Variants in VTA1 observed in about 807,000 individuals in gnomAD.
VTA1 encodes vesicle trafficking 1, also known as vacuolar protein sorting-associated protein VTA1 homolog.
A neutral mutation model predicts 36.9 loss-of-function variants in VTA1; 24 were observed. That is an observed-to-expected ratio of 0.65 (90% CI 0.47 to 0.91). The LOEUF is 0.91. Among genes scored for constraint, VTA1 ranks in the 40% least tolerant of loss-of-function variants. VTA1 has a pLI of 0.00. For synonymous variants in VTA1, 142 were observed against 130.2 expected (o/e 1.09, Z -0.62); for missense variants, 393 against 377.2 (o/e 1.04, Z -0.35).
intron 4 of VTA1, among the ~76,000 whole-genome samples, chr6:142,174,897 A>C (rs540753486): frequency 1.2e-4 from 19 of 152,250 alleles, no homozygotes; most frequent in African/African-American, 4.1e-4. Flanking sequence ...CATCATGAGT[A>C]AGAGCATCCT....
intron 1 of VTA1, among the ~76,000 whole-genome samples, chr6:142,165,748 A>G (rs1774901137): frequency 6.6e-6 from 1 of 152,222 alleles, no homozygotes; most frequent in Non-Finnish European, 1.5e-5. Flanking sequence ...CTTTTTAAAG[A>G]GAAGGTATAT....
At chr6:142,191,049 A>G (rs1374155245) in intron 5 of VTA1, among the ~76,000 whole-genome samples, 2 of 152,106 alleles carry the variant, frequency 1.3e-5, no homozygotes, top group African/African-American at 2.4e-5. Flanking sequence ...TTATTTTTTT[A>G]TTATACTGAT....
At chr6:142,171,690 A>G (rs1269422604) in intron 4 of VTA1, among the ~76,000 whole-genome samples, 2 of 152,184 alleles carry the variant, frequency 1.3e-5, no homozygotes, top group African/African-American at 4.8e-5. Flanking sequence ...GAGAGGGAAT[A>G]TATTAATCTA....
intron 4 of VTA1, among the ~76,000 whole-genome samples, chr6:142,181,114 T>C (rs1468525028): frequency 1.3e-4 from 15 of 119,324 alleles, no homozygotes; most frequent in Admixed American, 6.9e-4. Context: ...TATATATATA[T>C]ATACACACAC....
chr6:142,198,107 ATATATAT>A (rs1775594251), intron 5 of VTA1, among the ~76,000 whole-genome samples: 1 of 126,186 alleles, frequency 7.9e-6, no homozygotes, highest in Non-Finnish European at 1.6e-5. Context: ...AAAAAAAAAT[ATATATAT>A]ATATATGTGT....
chr6:142,170,537 CAA>C (rs1269965197), intron 4 of VTA1, 116 bp downstream of exon 4: 8 of 656,338 alleles, frequency 1.2e-5, no homozygotes, highest in South Asian at 1.2e-4. Context: ...TTAATGCAAG[CAA>C]AAAATGTAAT....
chr6:142,210,693 ATTATC>A (rs546432197), intron 7 of VTA1, among the ~76,000 whole-genome samples: 41 of 152,234 alleles, frequency 2.7e-4, no homozygotes, highest in Non-Finnish European at 5.7e-4. Context: ...ATCACATTGC[ATTATC>A]ATTTTACCCT....
chr6:142,158,222 G>T (rs1778699954), intron 1 of VTA1, among the ~76,000 whole-genome samples: 2 of 152,110 alleles, frequency 1.3e-5, no homozygotes, highest in South Asian at 4.1e-4. Context: ...ATTACATGTT[G>T]CAATGTATAT....
chr6:142,190,036 C>A (rs1233300648), intron 5 of VTA1, among the ~76,000 whole-genome samples: 1 of 152,126 alleles, frequency 6.6e-6, no homozygotes, highest in African/African-American at 2.4e-5. Flanking sequence ...GGATTACAGG[C>A]GTGAGCCACC....
intron 4 of VTA1, among the ~76,000 whole-genome samples, chr6:142,174,875 C>T (rs1247066886): frequency 6.6e-6 from 1 of 152,158 alleles, no homozygotes; most frequent in Non-Finnish European, 1.5e-5. Context: ...ACGCTGGCTT[C>T]CTTTTGCCTT....
At chr6:142,181,465 A>G (rs1582889416) in intron 4 of VTA1, among the ~76,000 whole-genome samples, 1 of 147,868 alleles carries the variant, frequency 6.8e-6, no homozygotes, top group South Asian at 2.1e-4. Flanking sequence ...TTATATATAT[A>G]TATATATATG....
At chr6:142,166,421 ACAAT>A (rs1562257875) in intron 2 of VTA1, 99 bp downstream of exon 2, 3 of 824,010 alleles carry the variant, frequency 3.6e-6, no homozygotes, top group South Asian at 3.9e-5. Context: ...TCCCTTGGCA[ACAAT>A]CAAACAAAGC....
Position 142,147,321 on chromosome 6 carries a change from G to T in VTA1, c.34G>T (p.Ala12Ser). 1.9e-6 allele frequency: 3 copies of T among 1,614,148 alleles called. No homozygotes were observed. The highest frequency in any genetic ancestry group is 2.5e-6 in the Non-Finnish European group (3 of 1,180,020). The part of the protein sequence containing the change: ...AALAPLPPLP[A>S]QFKSIQHHLR... ...GCTTGCACCGCTGCCCCCGCTCCCCGCACAGTTCAAGAGCATACAGCATCA... is the reference window on the plus strand; with the variant it reads ...GCTTGCACCGCTGCCCCCGCTCCCCTCACAGTTCAAGAGCATACAGCATCA... Residue 12 changes from alanine (A) to serine (S), a missense_variant, in exon 1 of 8, where the codon GCA becomes TCA. Ala to Ser is a moderately conservative substitution (Grantham distance 99). Coordinates refer to ENST00000367630, the MANE Select transcript of VTA1 (RefSeq NM_016485.5).
intron 5 of VTA1, among the ~76,000 whole-genome samples, chr6:142,194,288 T>G (rs1162957661): frequency 1.4e-5 from 2 of 147,744 alleles, no homozygotes; most frequent in Non-Finnish European, 3.1e-5. Context: ...CCACATAAAT[T>G]TTAGAATTAG....
intron 6 of VTA1, among the ~76,000 whole-genome samples, chr6:142,199,532 A>G (rs556827206): frequency 1.1e-3 from 163 of 152,088 alleles, no homozygotes; most frequent in African/African-American, 3.9e-3. Context: ...TATGTAACAC[A>G]CTACTACTTT....
chr6:142,149,261 C>A (rs1458461401), intron 1 of VTA1, among the ~76,000 whole-genome samples: 1 of 152,176 alleles, frequency 6.6e-6, no homozygotes, highest in Non-Finnish European at 1.5e-5. Flanking sequence ...CTGCTCTCAT[C>A]AGGCTTATGA....
chr6:142,182,423 G>A (rs1303404319), intron 4 of VTA1, among the ~76,000 whole-genome samples: 1 of 152,112 alleles, frequency 6.6e-6, no homozygotes, highest in Non-Finnish European at 1.5e-5. Context: ...TTCTGTAATG[G>A]ACAAGAGTGG....
intron 4 of VTA1, among the ~76,000 whole-genome samples, chr6:142,170,631 T>C (rs1215637910): frequency 6.6e-6 from 1 of 152,200 alleles, no homozygotes; most frequent in African/African-American, 2.4e-5. Context: ...TCTTTATTTT[T>C]ATTTTTGTAT....
chr6:142,220,892 A>G lies in VTA1; in HGVS notation c.*2249A>G, dbSNP rs546484421. 6.6e-6 allele frequency: 1 copy of G among 152,178 alleles called. No homozygotes were observed. The highest frequency in any genetic ancestry group is 1.9e-4 in the East Asian group (1 of 5,162). 9.4% of individuals were successfully genotyped at this position (152,178 alleles called of 1,614,324 possible). On this transcript the variant is annotated 3_prime_UTR_variant, in exon 8 of 8. Coordinates refer to ENST00000367630, the MANE Select transcript of VTA1 (RefSeq NM_016485.5). ...CAGCAGGAAAAAAAGTCCCTCCCTC[A>G]TAGAGTTTACATTCTAAAAGGGAGG...
Sources: gnomAD v4.1 joint callset for allele counts (sites outside exome capture counted in the v4.1 genomes callset) on GRCh38, gnomAD v4.1.1 for gene constraint, MANE v1.5 for transcripts, NCBI Gene and HGNC (gene_info 2026-07-23, HGNC 2026-07-21) for gene names.